FCHSD1: variants seen among roughly 807,000 people sequenced by gnomAD.
FCHSD1 encodes the protein FCH and double SH3 domains 1, also known as F-BAR and double SH3 domains protein 1.
In FCHSD1, 109 loss-of-function variants were observed where a neutral mutation model predicts 101.3. That is an observed-to-expected ratio of 1.08 (90% CI 0.92 to 1.26). The LOEUF (loss-of-function observed/expected upper bound fraction) is 1.26, where lower values mean the gene tolerates loss of function less well. Ranked by LOEUF, FCHSD1 falls within the 50% of genes most tolerant of loss-of-function variation. The probability of loss-of-function intolerance (pLI) is 0.00; values close to 1 mark genes in which losing one functional copy is unlikely to be tolerated. For missense variants in FCHSD1, 820 were observed against 895.8 expected, an observed-to-expected ratio of 0.92 and a Z score of 1.08; for synonymous variants, 291 against 356.8, an observed-to-expected ratio of 0.82 and a Z score of 2.08.
At position 141,640,741 on chromosome 5, in the gene FCHSD1, T is replaced by C; in HGVS notation, c.*757A>G. ...GTGGGTGGGCGTGAAAGCCCTCCCC[T>C]CCACTGGACAGCACTGCCCCCCAGC... On this transcript the variant is annotated 3_prime_UTR_variant, in exon 20 of 20. Coordinates refer to ENST00000435817, the MANE Select transcript of FCHSD1 (RefSeq NM_033449.3). The C allele has an allele frequency of 7.1e-7, 1 of 1,413,990 alleles. No homozygotes were observed. The highest frequency in any genetic ancestry group is 9.6e-7 in the Non-Finnish European group (1 of 1,043,928). 87.6% of individuals were successfully genotyped at this position (1,413,990 alleles called of 1,614,324 possible). A position where few individuals can be genotyped will look rare whatever the true frequency, so the allele number is the denominator to read the frequency against.
Position 141,639,707 on chromosome 5 carries a change from C to T in FCHSD1, c.*1791G>A, listed in dbSNP as rs78820103. On this transcript the variant is annotated 3_prime_UTR_variant, in exon 20 of 20. Coordinates refer to ENST00000435817, the MANE Select transcript of FCHSD1 (RefSeq NM_033449.3). The surrounding 1 kb of genome is among the most constrained non-coding windows in gnomAD (Gnocchi z 4.4). The stretch of plus-strand genomic sequence containing the variant: ...AGGTAGGGGGCCCAGTGATCAGGCA[C>T]CTGATCCCAAAAGTGGGCCTTGGCT... 0.042 allele frequency: 63,074 copies of T among 1,506,612 alleles called. 1,489 individuals carry two copies. The highest frequency in any genetic ancestry group is 0.075 in the South Asian group (6,116 of 81,434). The allele number at this position is 1,506,612 out of a possible 1,614,324, so 93.3% of individuals were successfully genotyped here. A position where few individuals can be genotyped will look rare whatever the true frequency, so the allele number is the denominator to read the frequency against.
At chr5:141,642,037 A>G (rs2099906972) in intron 18 of FCHSD1, 1 of 558,428 alleles carries the variant, frequency 1.8e-6, no homozygotes, top group African/African-American at 1.9e-5. Context: ...CAAACACAAT[A>G]AATGACTAAG....
Position 141,639,464 on chromosome 5 carries a change from T to G in FCHSD1, c.*2034A>C. 6.2e-7 allele frequency: 1 copy of G among 1,609,598 alleles called. No individual in the cohort carries two copies. Among genetic ancestry groups the G allele is most frequent in the Non-Finnish European group, 8.5e-7 (1 of 1,176,950 alleles). The stretch of plus-strand genomic sequence containing the variant: ...CACTCCCCTCCTCCCTGCTGTCCAG[T>G]GTGGATGCCACCTCCAGCCTGCAGG... On this transcript the variant is annotated 3_prime_UTR_variant, in exon 20 of 20. Coordinates refer to ENST00000435817, the MANE Select transcript of FCHSD1 (RefSeq NM_033449.3). The surrounding 1 kb of genome is among the most constrained non-coding windows in gnomAD (Gnocchi z 4.4).
intron 17 of FCHSD1, 128 bp from the exon 18 acceptor site, chr5:141,643,216 C>T (rs934515597): frequency 1.1e-5 from 6 of 543,038 alleles, no homozygotes; most frequent in African/African-American, 2.9e-5. Flanking sequence ...TGCTTGCATT[C>T]GGTGGGGGGG....
chr5:141,642,351 G>C (rs1356615592), intron 18 of FCHSD1: 1 of 668,058 alleles, frequency 1.5e-6, no homozygotes, highest in Non-Finnish European at 2.7e-6. Context: ...GACTCCAAAG[G>C]GGGCAAAGGT....
Position 141,646,111 on chromosome 5 carries a change from C to T in FCHSD1, c.1125G>A (p.Val375=), listed in dbSNP as rs61753289. 337 of 1,612,204 alleles carry T rather than the reference C, an allele frequency of 2.1e-4. No homozygotes were observed. The highest frequency in any genetic ancestry group is 1.0e-3 in the Middle Eastern group (6 of 5,784). The change falls in exon 12 of 20, where the codon GTG becomes GTA. Residue 375 remains valine (V), a synonymous_variant. Transcript: ENST00000435817. Reference sequence around the variant, plus strand: ...CCTGTGCCCGGCGGATGCTCTCTCGCACTTCCTGTAACCTCTGTTCTATGC... The same window carrying T: ...CCTGTGCCCGGCGGATGCTCTCTCGTACTTCCTGTAACCTCTGTTCTATGC... ...APSIEQRLQE[V]RESIRRAQVS...
Position 141,647,533 on chromosome 5 carries a change from C to A in FCHSD1, c.706-13G>T. On this transcript the variant is annotated splice_polypyrimidine_tract_variant and intron_variant, in intron 8 of 19. Coordinates refer to ENST00000435817, the MANE Select transcript of FCHSD1 (RefSeq NM_033449.3). The stretch of plus-strand genomic sequence containing the variant: ...CACTGACCAGGGCCTAGAGAGAACC[C>A]CAAGATACTGACACCACCCTTCCCC... The A allele has an allele frequency of 6.2e-7, 1 of 1,611,158 alleles. No homozygotes were observed. The highest frequency in any genetic ancestry group is 8.5e-7 in the Non-Finnish European group (1 of 1,179,194).
At position 141,646,010 on chromosome 5, in the gene FCHSD1, CA is replaced by C. The variant is rs562534167; in HGVS notation, c.1149+76del. ...TCTCTGCTTCTCCCTTCCTTCCTCCCACCATCAGAAAGAGGAGTAGAGGGAG... is the reference window on the plus strand; with the variant it reads ...TCTCTGCTTCTCCCTTCCTTCCTCCCCCATCAGAAAGAGGAGTAGAGGGAG... On this transcript the variant is annotated intron_variant, in intron 12 of 19. Coordinates refer to ENST00000435817, the MANE Select transcript of FCHSD1 (RefSeq NM_033449.3). The C allele has an allele frequency of 5.0e-5, 77 of 1,541,230 alleles. 2 individuals carry two copies. The East Asian group carries it at 1.7e-3, about 33-fold the overall frequency.
chr5:141,641,311 A>G lies in FCHSD1; in HGVS notation c.*187T>C. ...TTCCGGTCCTAGAGATGATAGAACA[A>G]TGGGAAAAAAAGGAGTGGGTTCCAG... On this transcript the variant is annotated 3_prime_UTR_variant, in exon 20 of 20. Transcript: ENST00000435817. 1 of 521,140 alleles carries G rather than the reference A, an allele frequency of 1.9e-6. No homozygotes were observed. The highest frequency in any genetic ancestry group is 3.4e-6 in the Non-Finnish European group (1 of 294,868). The allele number at this position is 521,140 out of a possible 1,614,324, so 32.3% of individuals were successfully genotyped here.
rs376302455 is a variant in FCHSD1 at position 141,646,154 on chromosome 5, G to A, written c.1082C>T (p.Ser361Leu). The A allele has an allele frequency of 6.2e-6, 10 of 1,611,244 alleles. No homozygotes were observed. In the African/African-American group the frequency reaches 9.3e-5, roughly 15 times the overall value. Residue 361 changes from serine to leucine, a missense_variant, in exon 12 of 20, where the codon TCA becomes TTA. Coordinates refer to ENST00000435817, the MANE Select transcript of FCHSD1 (RefSeq NM_033449.3). ...TTCTATGCTTGGAGCCTCCCGCTCT[G>A]AAGCCTGCTGCCGCCTCTGCTCCAG... Reference protein sequence around the residue: ...QRLEQRRQQASEREAPSIEQR... With the variant: ...QRLEQRRQQALEREAPSIEQR...
chr5:141,649,366 C>T lies in FCHSD1; in HGVS notation c.375+29G>A. The T allele has an allele frequency of 6.2e-7, 1 of 1,613,894 alleles. No homozygotes were observed. Among genetic ancestry groups the T allele is most frequent in the Non-Finnish European group, 8.5e-7 (1 of 1,179,776 alleles). On this transcript the variant is annotated intron_variant, in intron 5 of 19. Transcript: ENST00000435817. The surrounding 1 kb of genome is among the most constrained non-coding windows in gnomAD (Gnocchi z 4.1). ...GACCACCTTTGGTCCCAAGCCAGCT[C>T]TTCCTTCACCCCAACCTCTGAGCCA...
chr5:141,641,725 T>C lies in FCHSD1; in HGVS notation c.1984A>G (p.Met662Val), dbSNP rs1421494025. Residue 662 changes from methionine to valine, a missense_variant, in exon 19 of 20, where the codon ATG becomes GTG. By Grantham distance (21) the Met-to-Val change is conservative. Transcript: ENST00000435817. ...KALDFPGFLD[M>V]MAPRLRPMRP... ...ACCGGCCTGAGTCGAGGTGCCATCA[T>C]GTCCAGGAACCCAGGGAAGTCCAGG... The C allele has an allele frequency of 2.5e-6, 4 of 1,614,056 alleles. 1 individual carries two copies. In the South Asian group the frequency reaches 3.3e-5, roughly 13 times the overall value.
chr5:141,644,124 G>A, intron 17 of FCHSD1, 94 bp downstream of exon 17: 3 of 1,205,336 alleles, frequency 2.5e-6, no homozygotes, highest in Middle Eastern at 2.9e-4. Flanking sequence ...AAACTGGGGA[G>A]CAGAGGAGGC....
chr5:141,648,843 G>A (rs1468468128), intron 7 of FCHSD1, 114 bp downstream of exon 7: 12 of 1,225,444 alleles, frequency 9.8e-6, no homozygotes, highest in African/African-American at 1.5e-5. Context: ...CACCCAGGAA[G>A]TAGGAGAGCC....
intron 13 of FCHSD1, 76 bp from the exon 14 acceptor site, chr5:141,645,224 C>A: frequency 2.7e-6 from 4 of 1,508,226 alleles, no homozygotes; most frequent in Non-Finnish European, 3.5e-6. Flanking sequence ...TTCCATCTTT[C>A]CTCTAAAGGA....
chr5:141,651,331 T>G lies in FCHSD1; in HGVS notation c.21+17A>C, dbSNP rs1315321792. The G allele has an allele frequency of 6.4e-7, 1 of 1,553,514 alleles. No homozygotes were observed. The highest frequency in any genetic ancestry group is 1.9e-5 in the Admixed American group (1 of 51,494). On this transcript the variant is annotated intron_variant, in intron 1 of 19. Coordinates refer to ENST00000435817, the MANE Select transcript of FCHSD1 (RefSeq NM_033449.3). ...TCCCCCAGCCCGCCAGGAGTCCCCATTCAGGGCCAAGCTCACTTTTCGGGG... is the reference window on the plus strand; with the variant it reads ...TCCCCCAGCCCGCCAGGAGTCCCCAGTCAGGGCCAAGCTCACTTTTCGGGG...
In FCHSD1 at chr5:141,639,686, AG is replaced by A. The variant is rs1197689606; in HGVS notation, c.*1811del. On this transcript the variant is annotated 3_prime_UTR_variant, in exon 20 of 20. Coordinates refer to ENST00000435817, the MANE Select transcript of FCHSD1 (RefSeq NM_033449.3). The surrounding 1 kb of genome is among the most constrained non-coding windows in gnomAD (Gnocchi z 4.4). The stretch of plus-strand genomic sequence containing the variant: ...GCTCCAGGGAAAGGGGGGCTGAGGT[AG>A]GGGGCCCAGTGATCAGGCACCTGAT... 2 of 1,559,358 alleles carry A rather than the reference AG, an allele frequency of 1.3e-6. No homozygotes were observed. Among genetic ancestry groups the A allele is most frequent in the East Asian group, 2.3e-5 (1 of 44,348 alleles).
At chr5:141,641,647 G>A in intron 19 of FCHSD1, 55 bp downstream of exon 19, 1 of 1,612,078 alleles carries the variant, frequency 6.2e-7, no homozygotes, top group African/African-American at 1.3e-5. Flanking sequence ...GACAAAACAG[G>A]ACTGGTTGGA....
chr5:141,641,129 C>A lies in FCHSD1; in HGVS notation c.*369G>T. 3.2e-6 allele frequency: 1 copy of A among 313,146 alleles called. No individual in the cohort carries two copies. Among genetic ancestry groups the A allele is most frequent in the Non-Finnish European group, 5.9e-6 (1 of 170,938 alleles). 19.4% of individuals were successfully genotyped at this position (313,146 alleles called of 1,614,324 possible). On this transcript the variant is annotated 3_prime_UTR_variant, in exon 20 of 20. Coordinates refer to ENST00000435817, the MANE Select transcript of FCHSD1 (RefSeq NM_033449.3). Reference sequence around the variant, plus strand: ...GGCCTGTTCCTCTCCCCAGCCCAACCCCAGTGACCCTGGCATCCAGAGTGG... The same window carrying A: ...GGCCTGTTCCTCTCCCCAGCCCAACACCAGTGACCCTGGCATCCAGAGTGG...
Sources: allele counts gnomAD v4.1 joint callset, GRCh38; gene constraint gnomAD v4.1.1; non-coding constraint Gnocchi (gnomAD v3.1); transcripts MANE v1.5; gene names NCBI Gene and HGNC (gene_info 2026-07-23, HGNC 2026-07-21).